PTPRT: variants seen among roughly 807,000 people sequenced by gnomAD.
PTPRT encodes the protein receptor-type tyrosine-protein phosphatase T.
A neutral mutation model predicts 176.8 loss-of-function variants in PTPRT; 56 were observed. The ratio of observed to expected loss-of-function variants is 0.32; its 90% CI spans 0.26 to 0.40. The LOEUF is 0.40. Among genes scored for constraint, PTPRT ranks in the 10% least tolerant of loss-of-function variants. PTPRT has a pLI of 1.00. For missense variants in PTPRT, 1,540 were observed against 1,908.2 expected (o/e 0.81, Z 3.60); for synonymous variants, 783 against 739.0 (o/e 1.06, Z -0.96).
At position 42,881,341 on chromosome 20, in the gene PTPRT, G is replaced by A. The variant is rs200243285; in HGVS notation, c.214+4466C>T. Among the ~76,000 whole-genome samples the A allele has an allele frequency of 1.6e-4, 25 of 152,300 alleles. No individual in the cohort carries two copies. In the East Asian group the frequency reaches 4.6e-3, roughly 28 times the overall value. On this transcript the variant is annotated intron_variant, in intron 2 of 30. Transcript: ENST00000373187. ...CGATTTTGAAAGCAAAGAACAGGAT[G>A]TTATGAGTGAGAATAAGGAGGAAGT...
chr20:42,971,482 CT>C (rs1036851009), intron 1 of PTPRT: 1 of 152,166 alleles, frequency 6.6e-6, no homozygotes, highest in African/African-American at 2.4e-5. Context: ...AACGCAATTC[CT>C]TTACCATCAC....
intron 7 of PTPRT, among the ~76,000 whole-genome samples, chr20:42,496,139 T>A (rs2071649888): frequency 6.6e-6 from 1 of 152,116 alleles, no homozygotes; most frequent in Non-Finnish European, 1.5e-5. Context: ...GCTCTTCATT[T>A]TCATTGTCTT....
chr20:42,261,735 C>T (rs1202607463), intron 13 of PTPRT, among the ~76,000 whole-genome samples: 2 of 152,152 alleles, frequency 1.3e-5, no homozygotes, highest in African/African-American at 2.4e-5. Flanking sequence ...GAGGCCGAGG[C>T]TCCCCTAGGC....
chr20:42,629,211 A>G (rs2074357052), intron 7 of PTPRT, among the ~76,000 whole-genome samples: 3 of 151,768 alleles, frequency 2.0e-5, no homozygotes, highest in African/African-American at 7.3e-5. Context: ...TTCCTGGTGA[A>G]GTAATTATAG....
At chr20:43,123,243 C>T (rs1331537529) in intron 1 of PTPRT, among the ~76,000 whole-genome samples, 1 of 152,206 alleles carries the variant, frequency 6.6e-6, no homozygotes, top group Non-Finnish European at 1.5e-5. Context: ...TAAATCAACA[C>T]AAGGGGAAGA....
At chr20:42,333,040 C>A (rs920644939) in intron 11 of PTPRT, among the ~76,000 whole-genome samples, 4 of 152,134 alleles carry the variant, frequency 2.6e-5, no homozygotes, top group African/African-American at 7.2e-5. Flanking sequence ...CTTTAGGAAA[C>A]CACCACTCTG....
chr20:42,120,069 T>C, intron 19 of PTPRT, 98 bp from the exon 20 acceptor site: 1 of 1,098,404 alleles, frequency 9.1e-7, no homozygotes, highest in Non-Finnish European at 1.3e-6. Context: ...GATTTTCTCA[T>C]GGGCAAAATG....
intron 7 of PTPRT, among the ~76,000 whole-genome samples, chr20:42,658,501 A>T (rs1380152763): frequency 6.6e-6 from 1 of 152,088 alleles, no homozygotes; most frequent in Non-Finnish European, 1.5e-5. Flanking sequence ...TGAAAAGCAC[A>T]CTCGTTTACA....
At chr20:43,028,715 C>A (rs1986019223) in intron 1 of PTPRT, among the ~76,000 whole-genome samples, 1 of 152,188 alleles carries the variant, frequency 6.6e-6, no homozygotes, top group Non-Finnish European at 1.5e-5. Context: ...AGGTACAGAT[C>A]CCTAGGGGCT....
intron 1 of PTPRT, among the ~76,000 whole-genome samples, chr20:42,945,026 A>G (rs1980790025): frequency 6.6e-6 from 1 of 150,638 alleles, no homozygotes; most frequent in African/African-American, 2.4e-5. Flanking sequence ...CAGACATTAT[A>G]AAATGTTGTG....
At chr20:42,083,930 T>G (rs1397697730) in intron 29 of PTPRT, among the ~76,000 whole-genome samples, 1 of 152,236 alleles carries the variant, frequency 6.6e-6, no homozygotes, top group Non-Finnish European at 1.5e-5. Flanking sequence ...GGATAGATTC[T>G]GTGACACTTG....
At chr20:42,531,224 TGA>T (rs1307467541) in intron 7 of PTPRT, among the ~76,000 whole-genome samples, 1 of 152,212 alleles carries the variant, frequency 6.6e-6, no homozygotes, top group Non-Finnish European at 1.5e-5. Context: ...TGTTTTGCAA[TGA>T]GTTACTATTT....
chr20:42,413,734 C>T (rs1456322501), intron 9 of PTPRT, among the ~76,000 whole-genome samples: 1 of 152,192 alleles, frequency 6.6e-6, no homozygotes, highest in Non-Finnish European at 1.5e-5. Flanking sequence ...ATGGCTCACC[C>T]TACAAGGCAT....
At chr20:43,153,239 AG>A (rs1366970996) in intron 1 of PTPRT, among the ~76,000 whole-genome samples, 1 of 152,260 alleles carries the variant, frequency 6.6e-6, no homozygotes, top group African/African-American at 2.4e-5. Context: ...TTGTTTAAAA[AG>A]TATGCATGTG....
intron 1 of PTPRT, among the ~76,000 whole-genome samples, chr20:43,079,879 T>C (rs2011391587): frequency 6.6e-6 from 1 of 152,218 alleles, no homozygotes; most frequent in Admixed American, 6.5e-5. Context: ...GAAGCTTTAG[T>C]TTAGAGTAGT....
intron 7 of PTPRT, among the ~76,000 whole-genome samples, chr20:42,513,344 C>G (rs1456717995): frequency 6.6e-6 from 1 of 151,576 alleles, no homozygotes; most frequent in African/African-American, 2.4e-5. Flanking sequence ...TTTCTTTCTT[C>G]TACTTTTTTC....
chr20:42,562,609 C>A (rs35672909), intron 7 of PTPRT, among the ~76,000 whole-genome samples: 34,612 of 152,146 alleles, frequency 0.23, 4,367 homozygotes, highest in African/African-American at 0.34. Context: ...ATTTCTCCTG[C>A]GTTTATTCCA....
At chr20:42,647,329 C>G (rs965029520) in intron 7 of PTPRT, among the ~76,000 whole-genome samples, 1 of 152,056 alleles carries the variant, frequency 6.6e-6, no homozygotes, top group Non-Finnish European at 1.5e-5. Flanking sequence ...TCTCCAGTCT[C>G]CACTACAGTG....
chr20:42,032,674 T>C, the PTPRT span, among the ~76,000 whole-genome samples: 2 of 152,194 alleles, frequency 1.3e-5, no homozygotes. Flanking sequence ...CTAATGAATG[T>C]CATTAGTGAT....
Sources: allele counts gnomAD v4.1 joint callset (sites outside exome capture counted in the v4.1 genomes callset), GRCh38; gene constraint gnomAD v4.1.1; transcripts MANE v1.5; gene names NCBI Gene and HGNC (gene_info 2026-07-23, HGNC 2026-07-21).